Variants in MMS19 observed in about 807,000 individuals in gnomAD.
MMS19 encodes the protein MMS19 cytosolic iron-sulfur assembly component, also known as MMS19 nucleotide excision repair protein homolog.
Under a neutral mutation model 129.8 loss-of-function variants are expected in MMS19, and 77 were observed. The ratio of observed to expected loss-of-function variants is 0.59; its 90% confidence interval spans 0.49 to 0.72. The LOEUF (loss-of-function observed/expected upper bound fraction) is 0.72, where lower values mean the gene tolerates loss of function less well. MMS19 is among the 30% of genes least tolerant of loss of function. MMS19 has a pLI of 0.00. For synonymous variants in MMS19, 491 were observed against 502.8 expected (o/e 0.98, Z 0.31); for missense variants, 1,168 against 1,266.3 (o/e 0.92, Z 1.18).
intron 1 of MMS19, among the ~76,000 whole-genome samples, chr10:97,485,183 C>A (rs150009572): frequency 1.2e-3 from 183 of 152,264 alleles, no homozygotes; most frequent in Non-Finnish European, 2.1e-3. Flanking sequence ...GGCTAGAGTG[C>A]AATGGTGTGA....
At chr10:97,466,266 G>T in intron 16 of MMS19, 107 bp from the exon 17 acceptor site, 3 of 940,712 alleles carry the variant, frequency 3.2e-6, no homozygotes, top group Non-Finnish European at 4.9e-6. Context: ...ACGCCTCCTT[G>T]CTAAAGAGCA....
chr10:97,472,765 C>T (rs956279526), intron 8 of MMS19, among the ~76,000 whole-genome samples: 2 of 152,092 alleles, frequency 1.3e-5, no homozygotes, highest in Non-Finnish European at 2.9e-5. Flanking sequence ...TCGACCACCA[C>T]GCCCAGTTAA....
chr10:97,471,482 AAC>A, intron 8 of MMS19, among the ~76,000 whole-genome samples: 1 of 152,130 alleles, frequency 6.6e-6, no homozygotes, highest in East Asian at 1.9e-4. Context: ...CTCCACCAAA[AAC>A]ATAGTAAAAG....
Position 97,498,397 on chromosome 10 carries a change from A to T in MMS19, c.-13T>A. ...CGGCAGCGGCCATAACGCGAACTAGAGACCGTGGGAGGGGATATGGGCGGT... is the reference window on the plus strand; with the variant it reads ...CGGCAGCGGCCATAACGCGAACTAGTGACCGTGGGAGGGGATATGGGCGGT... On this transcript the variant is annotated 5_prime_UTR_variant, in exon 1 of 31. Transcript: ENST00000438925. The T allele has an allele frequency of 6.3e-7, 1 of 1,578,688 alleles. No homozygotes were observed. Among genetic ancestry groups the T allele is most frequent in the Non-Finnish European group, 8.5e-7 (1 of 1,170,458 alleles).
chr10:97,476,912 T>C lies in MMS19; in HGVS notation c.545A>G (p.Asp182Gly), dbSNP rs1441127476. 1.2e-6 allele frequency: 2 copies of C among 1,613,820 alleles called. No homozygotes were observed. Among genetic ancestry groups the C allele is most frequent in the Non-Finnish European group, 1.7e-6 (2 of 1,179,858 alleles). The change falls in exon 7 of 31, where the codon GAT (aspartate) becomes GGT (glycine). Residue 182 changes from aspartate to glycine, a missense_variant. Asp to Gly is a moderately conservative substitution (Grantham distance 94). This residue lies in a region of MMS19 where 329 missense variants were observed against 328.6 expected (regional missense o/e 1.00). Transcript: ENST00000438925. ...AAGATTACGGGGATCCTTTTCCCCA[T>C]CCATCACCTGGATGAAGCCAAAGGT... ...DFTFGFIQVM[D>G]GEKDPRNLLV...
chr10:97,464,336 T>C (rs2032863243), intron 18 of MMS19, among the ~76,000 whole-genome samples: 2 of 152,214 alleles, frequency 1.3e-5, no homozygotes, highest in Non-Finnish European at 2.9e-5. Context: ...ATCAGTGGCT[T>C]TTCCAGGGTC....
chr10:97,471,686 T>C (rs188483579), intron 8 of MMS19, among the ~76,000 whole-genome samples: 1 of 152,204 alleles, frequency 6.6e-6, no homozygotes, highest in African/African-American at 2.4e-5. Flanking sequence ...TTTTTATATA[T>C]TTTTTGTAGA....
At position 97,466,069 on chromosome 10, in the gene MMS19, C is replaced by A. The variant is rs1251969075; in HGVS notation, c.1596G>T (p.Glu532Asp). 6.2e-7 allele frequency: 1 copy of A among 1,613,472 alleles called. No individual in the cohort carries two copies. The highest frequency in any genetic ancestry group is 2.2e-5 in the East Asian group (1 of 44,886). ...ATTAGAGACACATACCTACACGCAG[C>A]TCCTCAGCGAGCTTGGGTACGAGGT... The part of the protein sequence containing the change: ...SSHLVPKLAE[E>D]LRVGESNLTN... The change falls in exon 17 of 31, where the codon GAG becomes GAT. Residue 532 changes from glutamate (E) to aspartate (D), a missense_variant. Physicochemically the swap from Glu to Asp is conservative, Grantham distance 45. This residue lies in a region of MMS19 where 831 missense variants were observed against 910.8 expected (regional missense o/e 0.91). Coordinates refer to ENST00000438925, the MANE Select transcript of MMS19 (RefSeq NM_022362.5).
chr10:97,459,894 A>C (rs535124535), intron 26 of MMS19, 152 bp downstream of exon 26: 2 of 1,006,628 alleles, frequency 2.0e-6, no homozygotes, highest in African/African-American at 3.2e-5. Context: ...CCATGAAAGG[A>C]AGAAGTGGGA....
intron 8 of MMS19, among the ~76,000 whole-genome samples, chr10:97,471,973 AAGAG>A (rs1321149632): frequency 1.3e-5 from 2 of 152,214 alleles, no homozygotes; most frequent in Non-Finnish European, 2.9e-5. Context: ...GAACAGAGAA[AAGAG>A]AGAGGAAGAA....
rs556757739 is a variant in MMS19 at position 97,490,571 on chromosome 10, T to C, written c.113-6420A>G. Among the ~76,000 whole-genome samples, 11 of 152,344 alleles carry C rather than the reference T, an allele frequency of 7.2e-5. No homozygotes were observed. In the South Asian group the frequency reaches 2.3e-3, roughly 32 times the overall value. On this transcript the variant is annotated intron_variant, in intron 1 of 30. Transcript: ENST00000438925. Reference sequence around the variant, plus strand: ...CTTCCAGCAGCCTGTTCTGGGTTCCTAATCCACCTACCTCTAAATGCAGAA... The same window carrying C: ...CTTCCAGCAGCCTGTTCTGGGTTCCCAATCCACCTACCTCTAAATGCAGAA...
At chr10:97,476,140 G>C (rs998036621) in intron 8 of MMS19, among the ~76,000 whole-genome samples, 2 of 152,226 alleles carry the variant, frequency 1.3e-5, no homozygotes, top group African/African-American at 4.8e-5. Context: ...TGCAGAATGG[G>C]AGGAAGGCCC....
chr10:97,484,108 G>C lies in MMS19; in HGVS notation c.156C>G (p.Ala52=). 1 of 1,546,510 alleles carries C rather than the reference G, an allele frequency of 6.5e-7. No individual in the cohort carries two copies. Among genetic ancestry groups the C allele is most frequent in the Non-Finnish European group, 8.8e-7 (1 of 1,139,508 alleles). ...GNYTVLQVVE[A]LGSSLENPEP... ...TCTATAGCAGAGGCTCTTACCCAAG[G>C]GCTTCCACAACTTGTAACACTGTAT... The change falls in exon 2 of 31, where the codon GCC becomes GCG. Residue 52 remains alanine (A), a synonymous_variant. Transcript: ENST00000438925.
chr10:97,459,219 T>C lies in MMS19; in HGVS notation c.2964+4A>G. 1 of 1,610,444 alleles carries C rather than the reference T, an allele frequency of 6.2e-7. No individual in the cohort carries two copies. Among genetic ancestry groups the C allele is most frequent in the Non-Finnish European group, 8.5e-7 (1 of 1,178,396 alleles). ...GGCCAGGGAAGGACACCTGAGGTAC[T>C]TACCACAGGGGTGGGCAGGCGAGTG... On this transcript the variant is annotated splice_donor_region_variant and intron_variant, in intron 29 of 30. Coordinates refer to ENST00000438925, the MANE Select transcript of MMS19 (RefSeq NM_022362.5).
chr10:97,477,280 C>G (rs2035938770), intron 6 of MMS19, 67 bp downstream of exon 6: 2 of 1,612,544 alleles, frequency 1.2e-6, no homozygotes, highest in Admixed American at 3.3e-5. Flanking sequence ...TAAAATGAGT[C>G]CTACTAATAG....
At chr10:97,467,448 T>A (rs1774784527) in intron 14 of MMS19, 57 bp downstream of exon 14, 4 of 1,374,440 alleles carry the variant, frequency 2.9e-6, no homozygotes, top group Non-Finnish European at 4.1e-6. Context: ...CCTGCTATCC[T>A]TTATAGGCTG....
intron 19 of MMS19, 71 bp from the exon 20 acceptor site, chr10:97,462,753 G>A (rs1387371524): frequency 1.1e-5 from 13 of 1,215,902 alleles, no homozygotes; most frequent in Admixed American, 3.7e-5. Flanking sequence ...ATTGGGTTCT[G>A]TCAGCATCAC....
chr10:97,498,516 T>C, upstream of MMS19: 6 of 1,359,108 alleles, frequency 4.4e-6, no homozygotes, highest in South Asian at 8.1e-5. Context: ...CCTGCCGGCT[T>C]CTGCCTAGGC....
Position 97,460,026 on chromosome 10 carries a change from C to A in MMS19, c.2656+20G>T, listed in dbSNP as rs371878758. The A allele has an allele frequency of 1.9e-6, 3 of 1,610,398 alleles. No individual in the cohort carries two copies. Among genetic ancestry groups the A allele is most frequent in the South Asian group, 1.1e-5 (1 of 90,842 alleles). On this transcript the variant is annotated intron_variant, in intron 26 of 30. Transcript: ENST00000438925. ...AAGGAGAGATGTGTATATGTGGGGACCTTCTTTCAGACTCCTCACCTTGGG... is the reference window on the plus strand; with the variant it reads ...AAGGAGAGATGTGTATATGTGGGGAACTTCTTTCAGACTCCTCACCTTGGG...
Sources: gnomAD v4.1 joint callset for allele counts (sites outside exome capture counted in the v4.1 genomes callset) on GRCh38, gnomAD v4.1.1 for gene constraint, gnomAD v4.1.1 regional missense constraint, MANE v1.5 for transcripts, NCBI Gene and HGNC (gene_info 2026-07-23, HGNC 2026-07-21) for gene names.